The following RERG variants were observed in gnomAD, a reference collection of about 807,000 sequenced individuals.
The protein encoded by RERG is ras-related and estrogen-regulated growth inhibitor.
RERG carries 25 observed loss-of-function variants against 23.2 expected under a neutral mutation model. The ratio of observed to expected loss-of-function variants is 1.08; its 90% CI spans 0.79 to 1.50. The LOEUF is 1.50. Ranked by LOEUF, RERG falls within the 40% of genes most tolerant of loss-of-function variation. The pLI, the probability that RERG is intolerant of heterozygous loss-of-function variation, is 0.00. For missense variants in RERG, 253 were observed against 250.1 expected (o/e 1.01, Z -0.08); for synonymous variants, 81 against 89.1 (o/e 0.91, Z 0.51).
At chr12:15,118,262 T>C (rs4257033) in intron 3 of RERG, among the ~76,000 whole-genome samples, 41,048 of 151,886 alleles carry the variant, frequency 0.27, 6,019 homozygotes, top group East Asian at 0.41. Flanking sequence ...GCTACTATAG[T>C]AGCAAGCATT....
At chr12:15,151,214 C>A (rs1378820652) in intron 2 of RERG, among the ~76,000 whole-genome samples, 1 of 152,116 alleles carries the variant, frequency 6.6e-6, no homozygotes, top group Non-Finnish European at 1.5e-5. Flanking sequence ...GAGTGGAAAA[C>A]TGACTTTGAA....
intron 2 of RERG, among the ~76,000 whole-genome samples, chr12:15,162,474 G>T (rs1864629066): frequency 6.6e-6 from 1 of 152,072 alleles, no homozygotes; most frequent in African/African-American, 2.4e-5. Flanking sequence ...TTAGAGACAG[G>T]TCCTATAGCA....
chr12:15,201,675 TAACA>T (rs977412886), intron 2 of RERG, among the ~76,000 whole-genome samples: 1 of 149,336 alleles, frequency 6.7e-6, no homozygotes, highest in Non-Finnish European at 1.5e-5. Flanking sequence ...TAATAGTAAT[TAACA>T]ATCATAATAA....
At chr12:15,121,381 A>G (rs1310839574) in intron 2 of RERG, among the ~76,000 whole-genome samples, 11 of 152,200 alleles carry the variant, frequency 7.2e-5, no homozygotes, top group Non-Finnish European at 1.5e-4. Flanking sequence ...CAAGGTTAAA[A>G]ACAAAACAAA....
chr12:15,205,305 T>C (rs532740621), intron 2 of RERG, among the ~76,000 whole-genome samples: 2 of 152,070 alleles, frequency 1.3e-5, no homozygotes, highest in East Asian at 3.9e-4. Flanking sequence ...GTGGAAGAAT[T>C]AGGAACACAG....
At chr12:15,171,587 A>G (rs779445861) in intron 2 of RERG, among the ~76,000 whole-genome samples, 32 of 152,314 alleles carry the variant, frequency 2.1e-4, no homozygotes, top group Non-Finnish European at 4.3e-4. Flanking sequence ...CATGAGTCAA[A>G]GTAAATATCT....
intron 2 of RERG, among the ~76,000 whole-genome samples, chr12:15,145,614 C>T (rs528813294): frequency 6.6e-6 from 1 of 152,330 alleles, no homozygotes; most frequent in Admixed American, 6.5e-5. Context: ...GGGATTTCAA[C>T]AGCAGGTGTG....
intron 2 of RERG, among the ~76,000 whole-genome samples, chr12:15,188,137 T>A (rs1427882805): frequency 6.6e-6 from 1 of 152,162 alleles, no homozygotes; most frequent in African/African-American, 2.4e-5. Flanking sequence ...ACGTGGCTAA[T>A]TAGTGAGAAA....
At chr12:15,189,286 A>G (rs1047756481) in intron 2 of RERG, among the ~76,000 whole-genome samples, 1 of 152,270 alleles carries the variant, frequency 6.6e-6, no homozygotes, top group Non-Finnish European at 1.5e-5. Flanking sequence ...CACCTCCCCA[A>G]GAATCTCTCT....
Position 15,213,747 on chromosome 12 carries a change from C to A in RERG, c.61+3682G>T, listed in dbSNP as rs186708179. On this transcript the variant is annotated intron_variant, in intron 2 of 4. Coordinates refer to ENST00000256953, the MANE Select transcript of RERG (RefSeq NM_032918.3). Reference sequence around the variant, plus strand: ...TGGTCAAACTGTCAATGAAAAAGTTCTGGTAAATGTTAAATTCTGTTTTAA... The same window carrying A: ...TGGTCAAACTGTCAATGAAAAAGTTATGGTAAATGTTAAATTCTGTTTTAA... 1.2e-3 allele frequency among the ~76,000 whole-genome samples: 186 copies of A among 152,246 alleles called. 1 individual carries two copies. Among genetic ancestry groups the A allele is most frequent in the Admixed American group, 2.7e-3 (41 of 15,280 alleles).
At chr12:15,122,281 T>A (rs1210800061) in intron 2 of RERG, among the ~76,000 whole-genome samples, 3 of 152,172 alleles carry the variant, frequency 2.0e-5, no homozygotes, top group East Asian at 1.9e-4. Context: ...ATGCCCTGAA[T>A]GTAGCAGCCA....
At chr12:15,205,009 T>C (rs577006492) in intron 2 of RERG, among the ~76,000 whole-genome samples, 3 of 152,094 alleles carry the variant, frequency 2.0e-5, no homozygotes, top group South Asian at 4.1e-4. Flanking sequence ...ATTGTGGTCA[T>C]GTAAGATATC....
At chr12:15,171,909 CAT>C (rs1195842870) in intron 2 of RERG, among the ~76,000 whole-genome samples, 11 of 151,754 alleles carry the variant, frequency 7.2e-5, no homozygotes, top group East Asian at 3.9e-4. Flanking sequence ...ATAATTTAAA[CAT>C]GTGTTAAGAC....
At chr12:15,137,956 A>C (rs1864172635) in intron 2 of RERG, 2 of 387,656 alleles carry the variant, frequency 5.2e-6, no homozygotes, top group Middle Eastern at 7.3e-4. Context: ...GTTTATTGGC[A>C]GCAAATTCCT....
At chr12:15,134,702 C>T (rs1232359147) in intron 2 of RERG, among the ~76,000 whole-genome samples, 2 of 152,076 alleles carry the variant, frequency 1.3e-5, no homozygotes, top group East Asian at 3.9e-4. Flanking sequence ...GCAACCTCCA[C>T]CTCCTGGGTT....
At chr12:15,138,674 T>C (rs1249108163) in intron 2 of RERG, among the ~76,000 whole-genome samples, 1 of 152,070 alleles carries the variant, frequency 6.6e-6, no homozygotes, top group East Asian at 1.9e-4. Flanking sequence ...TTATTGTTGT[T>C]TTAATACTTC....
intron 2 of RERG, among the ~76,000 whole-genome samples, chr12:15,214,610 G>T (rs1335898555): frequency 2.0e-5 from 3 of 152,148 alleles, no homozygotes; most frequent in African/African-American, 7.2e-5. Flanking sequence ...CAATGATGAG[G>T]CAGAGACATC....
intron 3 of RERG, among the ~76,000 whole-genome samples, chr12:15,120,253 C>T (rs1019898599): frequency 6.6e-6 from 1 of 152,072 alleles, no homozygotes; most frequent in Non-Finnish European, 1.5e-5. Flanking sequence ...CAGAACTTAT[C>T]GCTATCTCAC....
At chr12:15,143,309 T>C (rs1044491738) in intron 2 of RERG, among the ~76,000 whole-genome samples, 12 of 147,136 alleles carry the variant, frequency 8.2e-5, no homozygotes, top group Middle Eastern at 3.5e-3. Context: ...ACATATAATA[T>C]ACACACACAC....
Sources: gnomAD v4.1 joint callset for allele counts (sites outside exome capture counted in the v4.1 genomes callset) on GRCh38, gnomAD v4.1.1 for gene constraint, MANE v1.5 for transcripts, NCBI Gene and HGNC (gene_info 2026-07-23, HGNC 2026-07-21) for gene names.